The following GOLGA4 variants were observed in gnomAD, a reference collection of about 807,000 sequenced individuals.
GOLGA4 encodes golgin subfamily A member 4.
Under a neutral mutation model 265.9 loss-of-function variants are expected in GOLGA4, and 169 were observed. The ratio of observed to expected loss-of-function variants is 0.64; its 90% CI spans 0.56 to 0.72. The LOEUF (loss-of-function observed/expected upper bound fraction) is 0.72, where lower values mean the gene tolerates loss of function less well. Ranked by LOEUF, GOLGA4 falls within the 30% of genes least tolerant of loss-of-function variation. The pLI is 0.00. For synonymous variants in GOLGA4, 923 were observed against 855.8 expected (o/e 1.08, Z -1.37); for missense variants, 2,482 against 2,483.4 (o/e 1.00, Z 0.01).
Position 37,282,002 on chromosome 3 carries a change from G to A in GOLGA4, c.207G>A (p.Val69=). The change falls in exon 3 of 24, where the codon GTG becomes GTA. Residue 69 remains valine, a synonymous_variant. Coordinates refer to ENST00000361924, the MANE Select transcript of GOLGA4 (RefSeq NM_002078.5). ...QSFAQKLQLR[V]PSVESLFRSP... ...TTGCACAGAAGCTCCAGCTCCGGGT[G>A]CCCTCCGTGGAGTCTTTGTTTCGAA... is the stretch of plus-strand genomic sequence containing the variant. 2.5e-6 allele frequency: 4 copies of A among 1,613,934 alleles called. No individual in the cohort carries two copies. The highest frequency in any genetic ancestry group is 2.2e-5 in the East Asian group (1 of 44,892).
rs748397678 is a variant in GOLGA4 at position 37,296,077 on chromosome 3, T to C, written c.682-10T>C. 2.5e-6 allele frequency: 4 copies of C among 1,612,078 alleles called. No homozygotes were observed. The highest frequency in any genetic ancestry group is 3.3e-5 in the Admixed American group (2 of 59,990). On this transcript the variant is annotated splice_polypyrimidine_tract_variant and intron_variant, in intron 6 of 23. Coordinates refer to ENST00000361924, the MANE Select transcript of GOLGA4 (RefSeq NM_002078.5). Reference sequence around the variant, plus strand: ...TTTGACTTTTTTCTAATGAAGCACATTTATATTAGGTTTCTCTACTGAAAC... The same window carrying C: ...TTTGACTTTTTTCTAATGAAGCACACTTATATTAGGTTTCTCTACTGAAAC...
At chr3:37,263,206 T>C (rs2096774653) in intron 2 of GOLGA4, among the ~76,000 whole-genome samples, 1 of 152,208 alleles carries the variant, frequency 6.6e-6, no homozygotes, top group Non-Finnish European at 1.5e-5. Flanking sequence ...GATGGACTAG[T>C]TTGTAGCGTA....
rs577857896 is a variant in GOLGA4 at position 37,335,400 on chromosome 3, C to T, written c.6306+234C>T. 4.6e-5 allele frequency among the ~76,000 whole-genome samples: 7 copies of T among 152,260 alleles called. No individual in the cohort carries two copies. In the South Asian group the frequency reaches 1.5e-3, roughly 32 times the overall value. ...GAGGATTTAAGCCAAATCTACTAGA[C>T]CTCAAAGCCTAGGCATTTTGTTATT... On this transcript the variant is annotated intron_variant, in intron 17 of 23. Transcript: ENST00000361924.
intron 5 of GOLGA4, among the ~76,000 whole-genome samples, chr3:37,291,220 C>T (rs1354351836): frequency 1.3e-5 from 2 of 152,030 alleles, no homozygotes; most frequent in Non-Finnish European, 2.9e-5. Flanking sequence ...TGAATAAAGA[C>T]ACAGGAATAC....
chr3:37,350,907 G>C (rs926656702), intron 21 of GOLGA4, among the ~76,000 whole-genome samples: 2 of 152,130 alleles, frequency 1.3e-5, no homozygotes, highest in African/African-American at 2.4e-5. Flanking sequence ...GCTAGTGGAG[G>C]ATATTACCTC....
chr3:37,344,950 C>G (rs1456458662), intron 20 of GOLGA4, among the ~76,000 whole-genome samples: 1 of 152,194 alleles, frequency 6.6e-6, no homozygotes, highest in East Asian at 1.9e-4. Context: ...CACAGTGACT[C>G]ATGCCAATAG....
chr3:37,329,070 A>G lies in GOLGA4; in HGVS notation c.6169A>G (p.Lys2057Glu). The part of the protein sequence containing the change: ...EKDDDLKRTA[K>E]RYEEILDARE... ...AGATGATGATCTAAAACGAACAGCC[A>G]AAAGATATGAAGAAATCCTTGATGT... The change falls in exon 16 of 24, where the codon AAA becomes GAA. Residue 2057 changes from lysine to glutamate, a missense_variant. This residue lies in a region of GOLGA4 where 942 missense variants were observed against 983.1 expected (regional missense o/e 0.96). Transcript: ENST00000361924. The G allele has an allele frequency of 6.2e-7, 1 of 1,608,470 alleles. No individual in the cohort carries two copies. Among genetic ancestry groups the G allele is most frequent in the African/African-American group, 1.3e-5 (1 of 74,722 alleles).
At chr3:37,352,636 C>T (rs761257408) in intron 21 of GOLGA4, among the ~76,000 whole-genome samples, 1 of 152,046 alleles carries the variant, frequency 6.6e-6, no homozygotes, top group African/African-American at 2.4e-5. Flanking sequence ...TTTGTCACTT[C>T]CCTCAGCCTT....
chr3:37,345,847 T>C (rs2097054492), intron 20 of GOLGA4, among the ~76,000 whole-genome samples: 1 of 151,594 alleles, frequency 6.6e-6, no homozygotes, highest in South Asian at 2.1e-4. Flanking sequence ...CTCGGTAGGC[T>C]GAGGCAGGAC....
In GOLGA4 at chr3:37,337,146, A is replaced by G. The variant is rs748254729; in HGVS notation, c.6310A>G (p.Thr2104Ala). ...TTTTTTCTTTCCATTTTTTCAGGTA[A>G]CAATTATGGAGCTACAGGTAAGGCT... ...QEENPGNDNV[T>A]IMELQTQLAQ... is the part of the protein sequence containing the mutation. Residue 2104 changes from threonine (T) to alanine (A), a missense_variant, in exon 18 of 24, where the codon ACA (threonine) becomes GCA (alanine). This residue lies in a region of GOLGA4 where 942 missense variants were observed against 983.1 expected (regional missense o/e 0.96). Coordinates refer to ENST00000361924, the MANE Select transcript of GOLGA4 (RefSeq NM_002078.5). The G allele has an allele frequency of 6.9e-7, 1 of 1,454,554 alleles. No individual in the cohort carries two copies. Among genetic ancestry groups the G allele is most frequent in the South Asian group, 1.2e-5 (1 of 84,578 alleles). The allele number at this position is 1,454,554 out of a possible 1,614,324, so 90.1% of individuals were successfully genotyped here.
In GOLGA4 at chr3:37,354,978, ACTT is replaced by A. The variant is rs2097086464; in HGVS notation, c.6577-119_6577-117del. 1.7e-5 allele frequency: 11 copies of A among 633,022 alleles called. No homozygotes were observed. In the East Asian group the frequency reaches 3.0e-4, roughly 17 times the overall value. 39.2% of individuals were successfully genotyped at this position (633,022 alleles called of 1,614,324 possible). A position where few individuals can be genotyped will look rare whatever the true frequency, so the allele number is the denominator to read the frequency against. On this transcript the variant is annotated intron_variant, in intron 21 of 23. Transcript: ENST00000361924. ...TCCTTGACTAATACCTTCACATCAT[ACTT>A]CTTTGTTCGTGGCTTTCATTGAGAG...
intron 23 of GOLGA4, among the ~76,000 whole-genome samples, chr3:37,365,503 AG>A (rs1696680472): frequency 6.6e-6 from 1 of 152,148 alleles, no homozygotes; most frequent in African/African-American, 2.4e-5. Flanking sequence ...CCTGGCCTCA[AG>A]TGATCTTTCC....
Position 37,325,042 on chromosome 3 carries a change from TCAG to T in GOLGA4, c.3159_3161del (p.Gln1054del). 6.2e-7 allele frequency: 1 copy of T among 1,612,628 alleles called. No homozygotes were observed. Among genetic ancestry groups the T allele is most frequent in the Non-Finnish European group, 8.5e-7 (1 of 1,179,630 alleles). On this transcript the variant is annotated inframe_deletion, in exon 14 of 24. Coordinates refer to ENST00000361924, the MANE Select transcript of GOLGA4 (RefSeq NM_002078.5). ...TATCAATCTGGGAAAAGAAACTTAATCAGCAAGCTGAAGAACTTCAGGAAATAC... is the reference window on the plus strand; with the variant it reads ...TATCAATCTGGGAAAAGAAACTTAATCAAGCTGAAGAACTTCAGGAAATAC...
At chr3:37,293,119 A>G (rs1389438237) in intron 5 of GOLGA4, among the ~76,000 whole-genome samples, 2 of 152,200 alleles carry the variant, frequency 1.3e-5, no homozygotes, top group Admixed American at 6.5e-5. Flanking sequence ...CAAATGTGTG[A>G]GGGATGGATA....
At chr3:37,341,781 C>T (rs993713454) in intron 20 of GOLGA4, 2 of 152,122 alleles carry the variant, frequency 1.3e-5, no homozygotes, top group Admixed American at 6.5e-5. Context: ...AGAATAGTGT[C>T]AATTCCTTTT....
Position 37,366,074 on chromosome 3 carries a change from T to G in GOLGA4, c.*34-6T>G. The G allele has an allele frequency of 6.5e-7, 1 of 1,529,892 alleles. No individual in the cohort carries two copies. The highest frequency in any genetic ancestry group is 8.7e-7 in the Non-Finnish European group (1 of 1,143,492). 94.8% of individuals were successfully genotyped at this position (1,529,892 alleles called of 1,614,324 possible). Reference sequence around the variant, plus strand: ...TCTTTATTCTCTTTTCCTTTTTCTTTTCCAGTCATGGCTCCGATCTTCATC... The same window carrying G: ...TCTTTATTCTCTTTTCCTTTTTCTTGTCCAGTCATGGCTCCGATCTTCATC... On this transcript the variant is annotated splice_region_variant and splice_polypyrimidine_tract_variant and intron_variant, in intron 23 of 23. Transcript: ENST00000361924.
intron 10 of GOLGA4, among the ~76,000 whole-genome samples, chr3:37,312,519 G>C (rs1217606345): frequency 2.0e-5 from 3 of 150,870 alleles, no homozygotes; most frequent in Non-Finnish European, 2.9e-5. Context: ...GTTAGAATAG[G>C]AATCTTTTTT....
rs9825825 is a variant in GOLGA4 at position 37,257,931 on chromosome 3, A to G, written c.162+6447A>G. On this transcript the variant is annotated intron_variant, in intron 2 of 23. Coordinates refer to ENST00000361924, the MANE Select transcript of GOLGA4 (RefSeq NM_002078.5). ...TATATATATGTATGTATATATGTAT[A>G]TATACATACATATATATGTATGTAT... Among the ~76,000 whole-genome samples, 11 of 111,880 alleles carry G rather than the reference A, an allele frequency of 9.8e-5. 1 individual carries two copies. Among genetic ancestry groups the G allele is most frequent in the African/African-American group, 3.4e-4 (8 of 23,308 alleles). 73.4% of individuals were successfully genotyped at this position (111,880 alleles called of 152,430 possible).
At chr3:37,331,931 C>T (rs1692325933) in intron 16 of GOLGA4, among the ~76,000 whole-genome samples, 1 of 152,128 alleles carries the variant, frequency 6.6e-6, no homozygotes, top group African/African-American at 2.4e-5. Flanking sequence ...TTTGAAACAT[C>T]CTGAGAATCA....
Sources: allele counts gnomAD v4.1 joint callset (sites outside exome capture counted in the v4.1 genomes callset), GRCh38; gene constraint gnomAD v4.1.1; regional missense constraint gnomAD v4.1.1; transcripts MANE v1.5; gene names NCBI Gene and HGNC (gene_info 2026-07-23, HGNC 2026-07-21).